The following CLMN variants were observed in gnomAD, a reference collection of about 807,000 sequenced individuals.
CLMN encodes calmin (calponin-like, transmembrane).
A neutral mutation model predicts 92.7 loss-of-function variants in CLMN; 57 were observed. The observed-to-expected ratio is 0.61, with a 90% confidence interval of 0.50 to 0.77. CLMN has a LOEUF of 0.77. Ranked by LOEUF, CLMN falls within the 30% of genes least tolerant of loss-of-function variation. The probability of loss-of-function intolerance (pLI) is 0.00; values close to 1 mark genes in which losing one functional copy is unlikely to be tolerated. For missense variants in CLMN, 1,158 were observed against 1,237.5 expected (o/e 0.94, Z 0.96); for synonymous variants, 466 against 470.6 (o/e 0.99, Z 0.13).
At chr14:95,208,383 A>C (rs968513607) in intron 8 of CLMN, among the ~76,000 whole-genome samples, 1 of 152,190 alleles carries the variant, frequency 6.6e-6, no homozygotes, top group African/African-American at 2.4e-5. Flanking sequence ...CAACGGGGCC[A>C]GGACAACTTC....
At position 95,259,951 on chromosome 14, in the gene CLMN, C is replaced by G. The variant is rs1351479766; in HGVS notation, c.83-29818G>C. Among the ~76,000 whole-genome samples the G allele has an allele frequency of 6.6e-6, 1 of 152,194 alleles. No individual in the cohort carries two copies. The highest frequency in any genetic ancestry group is 2.4e-5 in the African/African-American group (1 of 41,446). On this transcript the variant is annotated intron_variant, in intron 1 of 12. Coordinates refer to ENST00000298912, the MANE Select transcript of CLMN (RefSeq NM_024734.4). The surrounding 1 kb of genome is among the most constrained non-coding windows in gnomAD (Gnocchi z 4.3). ...CGCTGTTCCTGCTGTCTGGCACTCTCTCCCTGCACTTCTCCACCTGCTCGT... is the reference window on the plus strand; with the variant it reads ...CGCTGTTCCTGCTGTCTGGCACTCTGTCCCTGCACTTCTCCACCTGCTCGT...
chr14:95,204,487 C>T, intron 8 of CLMN, 24 bp from the exon 9 acceptor site: 2 of 1,520,228 alleles, frequency 1.3e-6, no homozygotes, highest in Middle Eastern at 1.8e-4. Flanking sequence ...CAAAAACAAA[C>T]AAACAAAAAA....
chr14:95,302,681 T>G (rs1205556907), intron 1 of CLMN, among the ~76,000 whole-genome samples: 12 of 152,218 alleles, frequency 7.9e-5, no homozygotes. Flanking sequence ...TGGGCATTTT[T>G]AACACTCATG....
At chr14:95,279,519 C>T (rs1900062818) in intron 1 of CLMN, among the ~76,000 whole-genome samples, 1 of 152,256 alleles carries the variant, frequency 6.6e-6, no homozygotes, top group Non-Finnish European at 1.5e-5. Context: ...GGCGGTGGCT[C>T]ACGCCTGTAA....
intron 2 of CLMN, among the ~76,000 whole-genome samples, chr14:95,224,502 C>T (rs1333078222): frequency 1.3e-5 from 2 of 152,010 alleles, no homozygotes; most frequent in Admixed American, 6.5e-5. Context: ...AGTCTGGTCT[C>T]GAACTCCTGA....
At chr14:95,228,050 G>A (rs908907075) in intron 2 of CLMN, among the ~76,000 whole-genome samples, 20 of 152,162 alleles carry the variant, frequency 1.3e-4, no homozygotes, top group Non-Finnish European at 2.9e-5. Flanking sequence ...AATTTGACCA[G>A]GGAGAAAATC....
intron 8 of CLMN, 35 bp downstream of exon 8, chr14:95,209,360 G>C (rs1447486078): frequency 6.3e-7 from 1 of 1,588,152 alleles, no homozygotes; most frequent in Non-Finnish European, 8.6e-7. Flanking sequence ...GGAAATGTAT[G>C]GTGTCGGAAT....
chr14:95,285,679 T>C (rs906270042), intron 1 of CLMN, among the ~76,000 whole-genome samples: 1 of 152,144 alleles, frequency 6.6e-6, no homozygotes, highest in Non-Finnish European at 1.5e-5. Flanking sequence ...AGAGTGGACA[T>C]TTGCACTGGG....
At chr14:95,198,174 G>A (rs1488315811) in intron 9 of CLMN, among the ~76,000 whole-genome samples, 2 of 148,894 alleles carry the variant, frequency 1.3e-5, no homozygotes, top group Admixed American at 6.7e-5. Context: ...CTCAGCCTCC[G>A]GAGTAGCTGG....
chr14:95,245,194 A>AT lies in CLMN; in HGVS notation c.83-15062_83-15061insA, dbSNP rs1491250953. 4.3e-3 allele frequency among the ~76,000 whole-genome samples: 151 copies of AT among 35,466 alleles called. 10 individuals carry two copies. Among genetic ancestry groups the AT allele is most frequent in the African/African-American group, 0.02 (141 of 7,138 alleles). The allele number at this position is 35,466 out of a possible 152,430, so 23.3% of individuals were successfully genotyped here. A position where few individuals can be genotyped will look rare whatever the true frequency, so the allele number is the denominator to read the frequency against. On this transcript the variant is annotated intron_variant, in intron 1 of 12. Coordinates refer to ENST00000298912, the MANE Select transcript of CLMN (RefSeq NM_024734.4). Reference sequence around the variant, plus strand: ...TTATATTATATATATATATATATATAATATATATATATATTATATATATAT... The same window carrying AT: ...TTATATTATATATATATATATATATATATATATATATATATTATATATATAT...
chr14:95,227,644 CGGAGTCCATCCTGCGAGAT>C (rs1282776720), intron 2 of CLMN, among the ~76,000 whole-genome samples: 1 of 152,192 alleles, frequency 6.6e-6, no homozygotes, highest in African/African-American at 2.4e-5. Context: ...GGGCCTTGGC[CGGAGTCCATCCTGCGAGAT>C]GGCAGGGGGA....
At chr14:95,217,766 C>T (rs1246612703) in intron 4 of CLMN, among the ~76,000 whole-genome samples, 1 of 152,214 alleles carries the variant, frequency 6.6e-6, no homozygotes, top group Non-Finnish European at 1.5e-5. Flanking sequence ...ACAGCTGTGG[C>T]CCTGTAAGCT....
In CLMN at chr14:95,317,650, A is replaced by G. The variant is rs1901849610; in HGVS notation, c.82+2061T>C. Among the ~76,000 whole-genome samples, 2 of 151,822 alleles carry G rather than the reference A, an allele frequency of 1.3e-5. 1 individual carries two copies. The highest frequency in any genetic ancestry group is 4.2e-4 in the South Asian group (2 of 4,818). On this transcript the variant is annotated intron_variant, in intron 1 of 12. Coordinates refer to ENST00000298912, the MANE Select transcript of CLMN (RefSeq NM_024734.4). ...ATACTGTATGATCCAGTTGTATATCAGGTTCTAGCGGCAAAACTAACTTTC... is the reference window on the plus strand; with the variant it reads ...ATACTGTATGATCCAGTTGTATATCGGGTTCTAGCGGCAAAACTAACTTTC...
In CLMN at chr14:95,213,298, T is replaced by A. The variant is rs1296943526; in HGVS notation, c.529A>T (p.Arg177Trp). The stretch of plus-strand genomic sequence containing the variant: ...TCTTTCACCGATATTGCCACGCTCC[T>A]CTCTGCAGTGGGTGTGGGTGGGAAG... Reference protein sequence around the residue: ...SSFPPTPTAERSVAISVKDQR... With the variant: ...SSFPPTPTAEWSVAISVKDQR... Residue 177 changes from arginine to tryptophan, a missense_variant, in exon 6 of 13, where the codon AGG becomes TGG. Arg to Trp is a moderately radical substitution (Grantham distance 101). Transcript: ENST00000298912. The A allele has an allele frequency of 6.2e-7, 1 of 1,614,028 alleles. No individual in the cohort carries two copies.
intron 1 of CLMN, among the ~76,000 whole-genome samples, chr14:95,304,517 G>A (rs1455024999): frequency 6.6e-6 from 1 of 151,988 alleles, no homozygotes; most frequent in African/African-American, 2.4e-5. Flanking sequence ...AGAACCAGCC[G>A]GATCCGTGCA....
chr14:95,262,767 A>G (rs1416482254), intron 1 of CLMN, among the ~76,000 whole-genome samples: 7 of 152,070 alleles, frequency 4.6e-5, no homozygotes, highest in Admixed American at 3.9e-4. Context: ...GGGTCTCCCT[A>G]TGTTGCCCAG....
Position 95,204,287 on chromosome 14 carries a change from G to C in CLMN, c.1062C>G (p.Asp354Glu). 1 of 1,614,150 alleles carries C rather than the reference G, an allele frequency of 6.2e-7. No homozygotes were observed. Among genetic ancestry groups the C allele is most frequent in the Non-Finnish European group, 8.5e-7 (1 of 1,180,038 alleles). Residue 354 changes from aspartate (D) to glutamate (E), a missense_variant, in exon 9 of 13, where the codon GAC (aspartate) becomes GAG (glutamate). Coordinates refer to ENST00000298912, the MANE Select transcript of CLMN (RefSeq NM_024734.4). ...GGAATTCCTTCATGCTCTCGGGCTTGTCACAGACAAAGACTTTGGAGGGTG... is the reference window on the plus strand; with the variant it reads ...GGAATTCCTTCATGCTCTCGGGCTTCTCACAGACAAAGACTTTGGAGGGTG... ...HPPPSKVFVC[D>E]KPESMKEFRL... is the part of the protein sequence containing the mutation.
chr14:95,196,439 C>G (rs1237337721), intron 10 of CLMN, 59 bp downstream of exon 10: 1 of 1,527,170 alleles, frequency 6.5e-7, no homozygotes, highest in Non-Finnish European at 8.8e-7. Flanking sequence ...TCAGAAACTG[C>G]AAATAACTCT....
chr14:95,318,325 A>T (rs1901884942), intron 1 of CLMN, among the ~76,000 whole-genome samples: 1 of 152,120 alleles, frequency 6.6e-6, no homozygotes, highest in Non-Finnish European at 1.5e-5. Flanking sequence ...CACTTTCAAC[A>T]TCCCAGCCCA....
Sources: allele counts gnomAD v4.1 joint callset (sites outside exome capture counted in the v4.1 genomes callset), GRCh38; gene constraint gnomAD v4.1.1; non-coding constraint Gnocchi (gnomAD v3.1); transcripts MANE v1.5; gene names NCBI Gene and HGNC (gene_info 2026-07-23, HGNC 2026-07-21).